Variants in DAAM1 observed in about 807,000 individuals in gnomAD.
DAAM1 encodes disheveled-associated activator of morphogenesis 1.
A neutral mutation model predicts 130.0 loss-of-function variants in DAAM1; 52 were observed. The ratio of observed to expected loss-of-function variants is 0.40; its 90% CI spans 0.32 to 0.50. DAAM1 has a LOEUF of 0.50. Ranked by LOEUF, DAAM1 falls within the 20% of genes least tolerant of loss-of-function variation. The pLI is 0.61. For missense variants in DAAM1, 1,134 were observed against 1,303.8 expected (o/e 0.87, Z 2.01); for synonymous variants, 452 against 444.5 (o/e 1.02, Z -0.21).
chr14:59,323,704 C>G (rs543076977), intron 6 of DAAM1, among the ~76,000 whole-genome samples: 1 of 152,156 alleles, frequency 6.6e-6, no homozygotes, highest in Admixed American at 6.5e-5. Flanking sequence ...AAAAGGGTGG[C>G]TTTCTATGGG....
At chr14:59,290,500 C>G (rs1034979577) in intron 2 of DAAM1, among the ~76,000 whole-genome samples, 2 of 152,174 alleles carry the variant, frequency 1.3e-5, no homozygotes, top group Non-Finnish European at 2.9e-5. Flanking sequence ...GTGAGAGGTA[C>G]AGTAAATGAG....
chr14:59,224,501 C>A lies in DAAM1; in HGVS notation c.-38+35733C>A, dbSNP rs957097423. Among the ~76,000 whole-genome samples, 11 of 152,272 alleles carry A rather than the reference C, an allele frequency of 7.2e-5. 1 individual carries two copies. Among genetic ancestry groups the A allele is most frequent in the Non-Finnish European group, 7.4e-5 (5 of 68,026 alleles). ...TTCCCACTGTAATACTTTGGAAGCACGTAACTTGTTTGATTTCACAGGCTT... is the reference window on the plus strand; with the variant it reads ...TTCCCACTGTAATACTTTGGAAGCAAGTAACTTGTTTGATTTCACAGGCTT... On this transcript the variant is annotated intron_variant, in intron 1 of 24. Coordinates refer to ENST00000360909, the MANE Select transcript of DAAM1 (RefSeq NM_001270520.2).
At chr14:59,213,349 C>CAAA (rs35496333) in intron 1 of DAAM1, among the ~76,000 whole-genome samples, 39 of 69,830 alleles carry the variant, frequency 5.6e-4, no homozygotes, top group Non-Finnish European at 6.6e-4. Flanking sequence ...CACAGCTTAC[C>CAAA]AAAAAAAAAA....
At position 59,369,026 on chromosome 14, in the gene DAAM1, TG is replaced by T. The variant is rs997514784; in HGVS notation, c.*168del. ...ATGTATGTGTGTATATATTAAAAAA[TG>T]TATATAGATGTCTGAGTGTTGTCTG... On this transcript the variant is annotated 3_prime_UTR_variant, in exon 25 of 25. Transcript: ENST00000360909. The T allele has an allele frequency of 5.0e-6, 3 of 603,808 alleles. No individual in the cohort carries two copies. Among genetic ancestry groups the T allele is most frequent in the African/African-American group, 1.9e-5 (1 of 53,764 alleles). The allele number at this position is 603,808 out of a possible 1,614,324, so 37.4% of individuals were successfully genotyped here.
At chr14:59,267,982 A>G (rs769410985) in intron 2 of DAAM1, among the ~76,000 whole-genome samples, 7 of 147,456 alleles carry the variant, frequency 4.7e-5, no homozygotes, top group Admixed American at 2.8e-4. Flanking sequence ...GGCTCACTGC[A>G]ACCTCCGCTT....
At chr14:59,217,300 C>T (rs1888613544) in intron 1 of DAAM1, among the ~76,000 whole-genome samples, 1 of 152,156 alleles carries the variant, frequency 6.6e-6, no homozygotes, top group African/African-American at 2.4e-5. Context: ...TTATCAAGCA[C>T]CATCACCATA....
At chr14:59,330,069 A>G (rs2146010) in intron 12 of DAAM1, among the ~76,000 whole-genome samples, 93,318 of 152,114 alleles carry the variant, frequency 0.61, 29,016 homozygotes, top group East Asian at 0.81. Context: ...TGGCAAACCT[A>G]ATTCATAAAA....
intron 1 of DAAM1, among the ~76,000 whole-genome samples, chr14:59,262,435 G>A (rs1388434069): frequency 2.0e-5 from 3 of 152,092 alleles, no homozygotes; most frequent in Non-Finnish European, 4.4e-5. Flanking sequence ...ACATGTTTTT[G>A]TGGTGAAAAT....
chr14:59,238,950 G>C (rs985300425), intron 1 of DAAM1, among the ~76,000 whole-genome samples: 10 of 152,168 alleles, frequency 6.6e-5, no homozygotes, highest in Non-Finnish European at 1.0e-4. Context: ...TGGCTGACAG[G>C]CAATGCAGAA....
In DAAM1 at chr14:59,326,552, A is replaced by G. The variant is rs1197660018; in HGVS notation, c.1217A>G (p.Asp406Gly). ...ACTGTTCAGTACTGGCTACTACTAG[A>G]TAGAATTATACAGCAGATAGTTATC... ...GNTVQYWLLL[D>G]RIIQQIVIQN... Residue 406 changes from aspartate (D) to glycine (G), a missense_variant, in exon 11 of 25, where the codon GAT becomes GGT. Coordinates refer to ENST00000360909, the MANE Select transcript of DAAM1 (RefSeq NM_001270520.2). The G allele has an allele frequency of 1.9e-6, 3 of 1,613,666 alleles. No homozygotes were observed. The highest frequency in any genetic ancestry group is 2.5e-6 in the Non-Finnish European group (3 of 1,179,866).
At chr14:59,288,860 A>AGAGAGAGAGC (rs1018804753) in intron 2 of DAAM1, among the ~76,000 whole-genome samples, 19 of 144,118 alleles carry the variant, frequency 1.3e-4, no homozygotes, top group African/African-American at 4.1e-4. Context: ...AGAGAGAGAG[A>AGAGAGAGAGC]GCGCGCGAAG....
chr14:59,358,342 T>A (rs375531704), intron 20 of DAAM1, among the ~76,000 whole-genome samples: 5 of 152,344 alleles, frequency 3.3e-5, no homozygotes, highest in East Asian at 1.9e-4. Flanking sequence ...AGTTCAGCCC[T>A]GTCACCACCA....
At chr14:59,280,154 C>T (rs1203414594) in intron 2 of DAAM1, among the ~76,000 whole-genome samples, 4 of 151,294 alleles carry the variant, frequency 2.6e-5, no homozygotes, top group Admixed American at 2.6e-4. Context: ...GATGGTACCA[C>T]TAGATTCTAA....
At chr14:59,355,408 C>G (rs1403210545) in intron 20 of DAAM1, 75 bp downstream of exon 20, 17 of 1,553,024 alleles carry the variant, frequency 1.1e-5, no homozygotes, top group Non-Finnish European at 1.5e-5. Flanking sequence ...CTCTCTGGTC[C>G]TCCTCAGCCT....
Position 59,327,402 on chromosome 14 carries a change from C to CTTTTTTTTTTTTTTTTTT in DAAM1, c.1372+418_1372+435dup, listed in dbSNP as rs386381493. 5.5e-3 allele frequency among the ~76,000 whole-genome samples: 323 copies of CTTTTTTTTTTTTTTTTTT among 58,986 alleles called. 59 individuals carry two copies. The highest frequency in any genetic ancestry group is 7.5e-3 in the African/African-American group (97 of 12,916). The allele number at this position is 58,986 out of a possible 152,430, so 38.7% of individuals were successfully genotyped here. A position where few individuals can be genotyped will look rare whatever the true frequency, so the allele number is the denominator to read the frequency against. ...AAGAGAAGAACAGGTCACTTGGTTT[C>CTTTTTTTTTTTTTTTTTT]TTTTTTTTTTTTTTTTTTTTTTTTG... is the stretch of plus-strand genomic sequence containing the variant. On this transcript the variant is annotated intron_variant, in intron 12 of 24. Coordinates refer to ENST00000360909, the MANE Select transcript of DAAM1 (RefSeq NM_001270520.2).
chr14:59,290,357 C>A (rs774527959), intron 2 of DAAM1, among the ~76,000 whole-genome samples: 15 of 152,266 alleles, frequency 9.9e-5, no homozygotes, highest in South Asian at 2.1e-4. Flanking sequence ...TTCAACAGTT[C>A]TAAGCTTAAA....
At chr14:59,246,378 G>A (rs1208195150) in intron 1 of DAAM1, among the ~76,000 whole-genome samples, 4 of 152,128 alleles carry the variant, frequency 2.6e-5, no homozygotes, top group African/African-American at 2.4e-5. Context: ...TGTAGCATGT[G>A]ACAAGTTTTC....
chr14:59,349,860 AT>A (rs1224967644), intron 17 of DAAM1, among the ~76,000 whole-genome samples: 3 of 152,124 alleles, frequency 2.0e-5, no homozygotes, highest in Non-Finnish European at 4.4e-5. Context: ...AACAAAAGAG[AT>A]GTAGTGACTG....
intron 1 of DAAM1, among the ~76,000 whole-genome samples, chr14:59,263,001 C>G (rs1882246724): frequency 6.6e-6 from 1 of 152,032 alleles, no homozygotes. Context: ...ATATGTTATT[C>G]TATTTAGGGA....
Sources: gnomAD v4.1 joint callset for allele counts (sites outside exome capture counted in the v4.1 genomes callset) on GRCh38, gnomAD v4.1.1 for gene constraint, MANE v1.5 for transcripts, NCBI Gene and HGNC (gene_info 2026-07-23, HGNC 2026-07-21) for gene names.